The following ADAM22 variants were observed in gnomAD, a reference collection of about 807,000 sequenced individuals.
ADAM22 encodes the protein disintegrin and metalloproteinase domain-containing protein 22.
ADAM22 carries 65 observed loss-of-function variants against 144.6 expected under a neutral mutation model. The ratio of observed to expected loss-of-function variants is 0.45; its 90% CI spans 0.37 to 0.55. The LOEUF is 0.55. Ranked by LOEUF, ADAM22 falls within the 20% of genes least tolerant of loss-of-function variation. The probability of loss-of-function intolerance (pLI) is 0.00; values close to 1 mark genes in which losing one functional copy is unlikely to be tolerated. For missense variants in ADAM22, 974 were observed against 1,184.9 expected, an observed-to-expected ratio of 0.82 and a Z score of 2.61; for synonymous variants, 391 against 412.6, an observed-to-expected ratio of 0.95 and a Z score of 0.63.
At chr7:88,085,742 T>A (rs568138880) in intron 4 of ADAM22, among the ~76,000 whole-genome samples, 2 of 152,352 alleles carry the variant, frequency 1.3e-5, no homozygotes, top group East Asian at 3.9e-4. Context: ...ATTTGCTGCA[T>A]CCCAAGCCCT....
Position 88,153,580 on chromosome 7 carries a change from T to C in ADAM22, c.1787+254T>C, listed in dbSNP as rs142614251. On this transcript the variant is annotated intron_variant, in intron 21 of 31. Coordinates refer to ENST00000413139, the MANE Select transcript of ADAM22 (RefSeq NM_001324418.2). ...ATTTTCTTACCTAGAAGACACCTTT[T>C]AGCATCTCAAAGGCAAAAGAACTTA... 1.4e-4 allele frequency among the ~76,000 whole-genome samples: 22 copies of C among 152,294 alleles called. No homozygotes were observed. The East Asian group carries it at 3.9e-3, about 27-fold the overall frequency.
At chr7:88,121,717 G>C (rs1829351207) in intron 7 of ADAM22, among the ~76,000 whole-genome samples, 1 of 152,146 alleles carries the variant, frequency 6.6e-6, no homozygotes. Flanking sequence ...ACCAAGAGAA[G>C]AGAGAATGAG....
Position 88,010,974 on chromosome 7 carries a change from A to G in ADAM22, c.323+32562A>G, listed in dbSNP as rs374681125. ...AAGTGTAATTTTTTGTGATTAGTAA[A>G]TGTGGTGTGCTTTTTAAAGTATGTG... On this transcript the variant is annotated intron_variant, in intron 3 of 31. Transcript: ENST00000413139. 2.6e-4 allele frequency among the ~76,000 whole-genome samples: 39 copies of G among 152,310 alleles called. No individual in the cohort carries two copies. The South Asian group carries it at 6.8e-3, about 27-fold the overall frequency.
chr7:88,100,967 A>G lies in ADAM22; in HGVS notation c.391-7209A>G, dbSNP rs1563215164. Among the ~76,000 whole-genome samples the G allele has an allele frequency of 3.3e-5, 5 of 150,798 alleles. 1 individual carries two copies. In the East Asian group the frequency reaches 7.8e-4, roughly 23 times the overall value. ...TGGAACAGACTGCAGCCATGCAGCC[A>G]CCAATGTGTCAGGACAGTGTATACC... is the stretch of plus-strand genomic sequence containing the variant. On this transcript the variant is annotated intron_variant, in intron 4 of 31. Coordinates refer to ENST00000413139, the MANE Select transcript of ADAM22 (RefSeq NM_001324418.2).
chr7:88,061,169 A>G (rs1042563375), intron 3 of ADAM22, among the ~76,000 whole-genome samples: 3 of 152,156 alleles, frequency 2.0e-5, no homozygotes, highest in African/African-American at 7.2e-5. Flanking sequence ...TCACATCTTC[A>G]GACTACATGT....
intron 2 of ADAM22, among the ~76,000 whole-genome samples, chr7:87,974,984 C>T (rs1290795922): frequency 6.6e-6 from 1 of 152,142 alleles, no homozygotes; most frequent in African/African-American, 2.4e-5. Flanking sequence ...AGATTGAGCC[C>T]ATCCAGATAA....
At chr7:88,074,050 AAG>A (rs1813526309) in intron 3 of ADAM22, among the ~76,000 whole-genome samples, 1 of 152,180 alleles carries the variant, frequency 6.6e-6, no homozygotes, top group Admixed American at 6.5e-5. Context: ...TGGTGTATGT[AAG>A]AGATGCTACT....
At chr7:88,085,025 A>T (rs775877894) in intron 4 of ADAM22, among the ~76,000 whole-genome samples, 2 of 152,192 alleles carry the variant, frequency 1.3e-5, no homozygotes, top group Non-Finnish European at 2.9e-5. Flanking sequence ...GACCCAACCT[A>T]ATAACCCTGT....
chr7:88,107,731 G>T (rs1051977544), intron 4 of ADAM22, among the ~76,000 whole-genome samples: 2 of 151,676 alleles, frequency 1.3e-5, no homozygotes, highest in Non-Finnish European at 2.9e-5. Context: ...GAATACAGGT[G>T]CATGCCACCA....
chr7:88,141,500 G>A (rs1834630427), intron 14 of ADAM22, among the ~76,000 whole-genome samples: 1 of 151,916 alleles, frequency 6.6e-6, no homozygotes, highest in South Asian at 2.1e-4. Context: ...CAGGCTACTG[G>A]GAAACTTTAT....
intron 26 of ADAM22, among the ~76,000 whole-genome samples, chr7:88,174,701 T>C (rs577058749): frequency 1.3e-5 from 2 of 152,250 alleles, no homozygotes; most frequent in East Asian, 3.9e-4. Context: ...TTGTCTGAGA[T>C]GAACACACAC....
chr7:88,097,685 C>T (rs1182955706), intron 4 of ADAM22, among the ~76,000 whole-genome samples: 1 of 150,576 alleles, frequency 6.6e-6, no homozygotes, highest in Middle Eastern at 3.2e-3. Flanking sequence ...AAAATTCCTC[C>T]TGTATTTTAG....
chr7:88,129,397 CTTAT>C (rs1350222460), intron 9 of ADAM22, among the ~76,000 whole-genome samples: 2 of 151,872 alleles, frequency 1.3e-5, no homozygotes, highest in African/African-American at 4.8e-5. Context: ...CTTTGAACTA[CTTAT>C]TTGAGGAAAA....
chr7:88,146,091 C>T lies in ADAM22; in HGVS notation c.1485+584C>T, dbSNP rs79458463. ...TCATACCTATCTCCAAATATTTAAG[C>T]CTTTACATCAATACTAACATTTGAG... On this transcript the variant is annotated intron_variant, in intron 17 of 31. Coordinates refer to ENST00000413139, the MANE Select transcript of ADAM22 (RefSeq NM_001324418.2). Among the ~76,000 whole-genome samples the T allele has an allele frequency of 5.2e-3, 789 of 152,208 alleles. 11 individuals carry two copies. Among genetic ancestry groups the T allele is most frequent in the African/African-American group, 0.018 (746 of 41,536 alleles).
chr7:88,131,481 T>C lies in ADAM22; in HGVS notation c.992+46T>C, dbSNP rs374003740. The C allele has an allele frequency of 1.1e-5, 17 of 1,576,910 alleles. No homozygotes were observed. The African/African-American group carries it at 1.3e-4, about 12-fold the overall frequency. On this transcript the variant is annotated intron_variant, in intron 11 of 31. Transcript: ENST00000413139. ...TGTATTACTTTTTTTGATTCCATGT[T>C]AAATGCTTTATTGTGACTGAAATGT...
At chr7:88,189,588 T>G (rs992677484) in intron 30 of ADAM22, among the ~76,000 whole-genome samples, 9 of 152,196 alleles carry the variant, frequency 5.9e-5, no homozygotes, top group Admixed American at 6.5e-5. Flanking sequence ...CCATTTCACC[T>G]TAATTAAAAG....
chr7:87,968,010 C>A (rs1849566489), intron 2 of ADAM22, among the ~76,000 whole-genome samples: 4 of 152,014 alleles, frequency 2.6e-5, no homozygotes, highest in Admixed American at 2.6e-4. Context: ...TTGAACTCAA[C>A]ACCAAAATGT....
intron 5 of ADAM22, among the ~76,000 whole-genome samples, chr7:88,113,747 C>T: frequency 1.8e-5 from 1 of 54,418 alleles, no homozygotes; most frequent in Non-Finnish European, 3.7e-5. Context: ...TATAGTAAGT[C>T]CTAGAATACT....
chr7:88,072,759 C>T (rs1277131377), intron 3 of ADAM22, among the ~76,000 whole-genome samples: 1 of 152,180 alleles, frequency 6.6e-6, no homozygotes, highest in African/African-American at 2.4e-5. Flanking sequence ...TGCTGATAAA[C>T]ATGCCTCTGT....
Sources: allele counts gnomAD v4.1 joint callset (sites outside exome capture counted in the v4.1 genomes callset), GRCh38; gene constraint gnomAD v4.1.1; transcripts MANE v1.5; gene names NCBI Gene and HGNC (gene_info 2026-07-23, HGNC 2026-07-21).